Variants in SLC38A11 observed in about 807,000 individuals in gnomAD.
SLC38A11 encodes the protein solute carrier family 38 member 11, also known as putative sodium-coupled neutral amino acid transporter 11.
A neutral mutation model predicts 49.4 loss-of-function variants in SLC38A11; 51 were observed. The observed-to-expected ratio is 1.03, with a 90% confidence interval of 0.83 to 1.30. The LOEUF is 1.30. Among genes scored for constraint, SLC38A11 ranks in the 50% most tolerant of loss-of-function variants. The pLI, the probability that SLC38A11 is intolerant of heterozygous loss-of-function variation, is 0.00. For missense variants in SLC38A11, 574 were observed against 556.2 expected, an observed-to-expected ratio of 1.03 and a Z score of -0.32; for synonymous variants, 203 against 192.9, an observed-to-expected ratio of 1.05 and a Z score of -0.43.
At chr2:164,932,837 T>C (rs1396986741) in intron 7 of SLC38A11, among the ~76,000 whole-genome samples, 1 of 151,996 alleles carries the variant, frequency 6.6e-6, no homozygotes, top group East Asian at 1.9e-4. Context: ...ACTCCCATGA[T>C]ACAAGTTTAC....
chr2:164,910,411 C>T (rs1480425197), intron 10 of SLC38A11, among the ~76,000 whole-genome samples: 1 of 151,984 alleles, frequency 6.6e-6, no homozygotes, highest in Non-Finnish European at 1.5e-5. Context: ...AATACCATGT[C>T]CTGCATCTGA....
chr2:164,899,590 T>A (rs1032927261), intron 11 of SLC38A11, among the ~76,000 whole-genome samples: 3 of 152,114 alleles, frequency 2.0e-5, no homozygotes, highest in Non-Finnish European at 2.9e-5. Context: ...AGATTTTAAT[T>A]ATAGTATATT....
At chr2:164,947,159 T>G (rs1350951624) in intron 3 of SLC38A11, among the ~76,000 whole-genome samples, 9 of 138,946 alleles carry the variant, frequency 6.5e-5, no homozygotes, top group Non-Finnish European at 1.4e-4. Flanking sequence ...TGAGATAGAG[T>G]CTTGCTCTGT....
intron 8 of SLC38A11, 81 bp downstream of exon 8, chr2:164,915,822 G>T: frequency 9.8e-7 from 1 of 1,024,104 alleles, no homozygotes; most frequent in South Asian, 1.6e-5. Context: ...CTGCTATCCA[G>T]ACATAAATAT....
chr2:164,908,749 C>T lies in SLC38A11; in HGVS notation c.986G>A (p.Gly329Asp). The change falls in exon 11 of 12, where the codon GGT (glycine) becomes GAT (aspartate). Residue 329 changes from glycine to aspartate, a missense_variant. Physicochemically the swap from Gly to Asp is moderately conservative, Grantham distance 94. Transcript: ENST00000685975. ...TREVIANVFF[G>D]GNLSSVFHIV... Reference sequence around the variant, plus strand: ...GTGGAAAACCGATGAAAGATTCCCACCAAAAAACACATTGGCAATTACCTG... The same window carrying T: ...GTGGAAAACCGATGAAAGATTCCCATCAAAAAACACATTGGCAATTACCTG... The T allele has an allele frequency of 6.2e-7, 1 of 1,609,284 alleles. No individual in the cohort carries two copies. Among genetic ancestry groups the T allele is most frequent in the Non-Finnish European group, 8.5e-7 (1 of 1,177,612 alleles).
chr2:164,929,878 C>A (rs969036935), intron 7 of SLC38A11, among the ~76,000 whole-genome samples: 1 of 149,326 alleles, frequency 6.7e-6, no homozygotes, highest in Admixed American at 6.7e-5. Context: ...CAAGAGAAAA[C>A]CCAAAAGCTA....
In SLC38A11 at chr2:164,939,573, A is replaced by G. The variant is rs776112593; in HGVS notation, c.431-17T>C. 1 of 1,536,634 alleles carries G rather than the reference A, an allele frequency of 6.5e-7. No individual in the cohort carries two copies. Among genetic ancestry groups the G allele is most frequent in the South Asian group, 1.1e-5 (1 of 87,888 alleles). ...CAGGATCAACTAAAACACAATAAAT[A>G]TTATTAAATGTTACAGGTATAAGTA... On this transcript the variant is annotated splice_polypyrimidine_tract_variant and intron_variant, in intron 5 of 11. Coordinates refer to ENST00000685975, the MANE Select transcript of SLC38A11 (RefSeq NM_001351537.2).
At chr2:164,936,558 C>A (rs1573976237) in intron 7 of SLC38A11, among the ~76,000 whole-genome samples, 1 of 152,064 alleles carries the variant, frequency 6.6e-6, no homozygotes, top group South Asian at 2.1e-4. Flanking sequence ...TTTAAGGTAT[C>A]CTGGAAACTC....
At chr2:164,909,174 C>T (rs994999675) in intron 10 of SLC38A11, among the ~76,000 whole-genome samples, 2 of 152,060 alleles carry the variant, frequency 1.3e-5, no homozygotes, top group African/African-American at 2.4e-5. Context: ...TCACATTTCC[C>T]TTATTAATAC....
chr2:164,898,633 G>C lies in SLC38A11; in HGVS notation c.1193C>G (p.Ser398Cys). Reference sequence around the variant, plus strand: ...AGCACCAATGGGAAGCATGACACAAGACATAATCTTATCGGAGTGTGTCCT... The same window carrying C: ...AGCACCAATGGGAAGCATGACACAACACATAATCTTATCGGAGTGTGTCCT... ...EPRTHSDKIM[S>C]CVMLPIGAVV... Residue 398 changes from serine (S) to cysteine (C), a missense_variant, in exon 12 of 12, where the codon TCT becomes TGT. Coordinates refer to ENST00000685975, the MANE Select transcript of SLC38A11 (RefSeq NM_001351537.2). 1 of 1,613,518 alleles carries C rather than the reference G, an allele frequency of 6.2e-7. No homozygotes were observed. The highest frequency in any genetic ancestry group is 8.5e-7 in the Non-Finnish European group (1 of 1,179,698).
At chr2:164,910,802 T>C (rs1425697005) in intron 10 of SLC38A11, among the ~76,000 whole-genome samples, 2 of 152,116 alleles carry the variant, frequency 1.3e-5, no homozygotes, top group East Asian at 1.9e-4. Context: ...AAAGACCCAC[T>C]GTGAAGCAAG....
chr2:164,916,245 T>C (rs985877590), intron 7 of SLC38A11, among the ~76,000 whole-genome samples: 1 of 152,132 alleles, frequency 6.6e-6, no homozygotes, highest in Non-Finnish European at 1.5e-5. Flanking sequence ...TTTTGTGAAT[T>C]TGTTTATTTG....
At chr2:164,935,544 G>A (rs951222702) in intron 7 of SLC38A11, among the ~76,000 whole-genome samples, 21 of 150,598 alleles carry the variant, frequency 1.4e-4, no homozygotes, top group Non-Finnish European at 2.7e-4. Flanking sequence ...AAAATTAGCC[G>A]GATGTGGCAC....
At chr2:164,915,535 A>G (rs138944675) in intron 8 of SLC38A11, 155 of 434,332 alleles carry the variant, frequency 3.6e-4, no homozygotes, top group African/African-American at 3.0e-3. Context: ...CCTTTTCCTA[A>G]TGACCCTTCC....
chr2:164,913,351 A>G (rs1218023257), intron 9 of SLC38A11, among the ~76,000 whole-genome samples: 2 of 152,040 alleles, frequency 1.3e-5, no homozygotes, highest in African/African-American at 4.8e-5. Context: ...AATGAGCCCT[A>G]TTGTCTTTTC....
intron 7 of SLC38A11, among the ~76,000 whole-genome samples, chr2:164,921,721 A>C (rs1350164945): frequency 6.6e-6 from 1 of 152,200 alleles, no homozygotes; most frequent in East Asian, 1.9e-4. Context: ...ACAATACCTT[A>C]GGAAGCTTTA....
Position 164,911,614 on chromosome 2 carries a change from G to A in SLC38A11, c.963+22C>T, listed in dbSNP as rs371717152. On this transcript the variant is annotated intron_variant, in intron 10 of 11. Coordinates refer to ENST00000685975, the MANE Select transcript of SLC38A11 (RefSeq NM_001351537.2). ...GGCAGAGAGATCACCTGGGTAAAGC[G>A]TTGGGAAGGAACCGCGCTTACCTCT... The A allele has an allele frequency of 3.9e-5, 51 of 1,296,600 alleles. No individual in the cohort carries two copies. The East Asian group carries it at 5.8e-4, about 15-fold the overall frequency. The allele number at this position is 1,296,600 out of a possible 1,614,324, so 80.3% of individuals were successfully genotyped here. A position where few individuals can be genotyped will look rare whatever the true frequency, so the allele number is the denominator to read the frequency against.
chr2:164,939,994 G>GTTTTTTT (rs10707733), intron 5 of SLC38A11, among the ~76,000 whole-genome samples: 2 of 137,284 alleles, frequency 1.5e-5, no homozygotes, highest in African/African-American at 2.7e-5. Context: ...ATTTTCTAAG[G>GTTTTTTT]TTTTTTTTTT....
Position 164,944,594 on chromosome 2 carries a change from G to T in SLC38A11, c.405C>A (p.Ser135Arg). The change falls in exon 5 of 12, where the codon AGC becomes AGA. Residue 135 changes from serine to arginine, a missense_variant. Physicochemically the swap from Ser to Arg is moderately radical, Grantham distance 110. Coordinates refer to ENST00000685975, the MANE Select transcript of SLC38A11 (RefSeq NM_001351537.2). The stretch of plus-strand genomic sequence containing the variant: ...CTCCTGGGATTCTTTGAAAAACTTT[G>T]CTCAAAGTATCTCCAGCTATTATAT... Reference protein sequence around the residue: ...SYNIIAGDTLSKVFQRIPGVD... With the variant: ...SYNIIAGDTLRKVFQRIPGVD... 1 of 1,342,964 alleles carries T rather than the reference G, an allele frequency of 7.4e-7. No homozygotes were observed. The highest frequency in any genetic ancestry group is 9.7e-7 in the Non-Finnish European group (1 of 1,035,838). 83.2% of individuals were successfully genotyped at this position (1,342,964 alleles called of 1,614,324 possible).
Sources: allele counts gnomAD v4.1 joint callset (sites outside exome capture counted in the v4.1 genomes callset), GRCh38; gene constraint gnomAD v4.1.1; transcripts MANE v1.5; gene names NCBI Gene and HGNC (gene_info 2026-07-23, HGNC 2026-07-21).